GLIS3: variants seen among roughly 807,000 people sequenced by gnomAD.
GLIS3 encodes the protein zinc finger protein GLIS3.
In GLIS3, 53 loss-of-function variants were observed where a neutral mutation model predicts 78.6. The ratio of observed to expected loss-of-function variants is 0.67; its 90% CI spans 0.54 to 0.85. The LOEUF (loss-of-function observed/expected upper bound fraction) is 0.85. Among genes scored for constraint, GLIS3 ranks in the 40% least tolerant of loss-of-function variants. GLIS3 has a pLI of 0.00. For missense variants in GLIS3, 1,703 were observed against 1,231.1 expected (o/e 1.38, Z -5.74); for synonymous variants, 684 against 509.9 (o/e 1.34, Z -4.60).
At chr9:3,907,464 GTGGCAGAAACTAC>G (rs750719664) in intron 6 of GLIS3, among the ~76,000 whole-genome samples, 24 of 152,240 alleles carry the variant, frequency 1.6e-4, no homozygotes, top group Non-Finnish European at 2.9e-4. Flanking sequence ...TGATATAAAT[GTGGCAGAAACTAC>G]TGATGCCCCA....
chr9:3,885,811 A>G (rs1453085658), intron 7 of GLIS3, among the ~76,000 whole-genome samples: 1 of 152,200 alleles, frequency 6.6e-6, no homozygotes, highest in East Asian at 1.9e-4. Flanking sequence ...CGGGCACTTT[A>G]TAGAGACATT....
the GLIS3 span, among the ~76,000 whole-genome samples, chr9:4,360,710 T>A: frequency 6.6e-6 from 1 of 152,180 alleles, no homozygotes; most frequent in Non-Finnish European, 1.5e-5. Flanking sequence ...TTCCAAAGCT[T>A]ATGTTCTTAA....
chr9:4,205,334 C>G (rs1300276917), intron 2 of GLIS3, among the ~76,000 whole-genome samples: 1 of 152,206 alleles, frequency 6.6e-6, no homozygotes, highest in Non-Finnish European at 1.5e-5. Flanking sequence ...AGCTCCAAGG[C>G]TAAGCCATGA....
chr9:4,337,525 A>T (rs1032494354), intron 2 of GLIS3, among the ~76,000 whole-genome samples: 2 of 152,216 alleles, frequency 1.3e-5, no homozygotes, highest in African/African-American at 4.8e-5. Context: ...TGTACTCTAC[A>T]ATGATGTATA....
intron 2 of GLIS3, among the ~76,000 whole-genome samples, chr9:4,229,794 T>C (rs1822097412): frequency 6.6e-6 from 1 of 152,258 alleles, no homozygotes. Flanking sequence ...TATACTTGAA[T>C]ACACATCACA....
intron 4 of GLIS3, among the ~76,000 whole-genome samples, chr9:3,976,843 A>AAAAAAAAAAAG (rs1818842174): frequency 8.9e-6 from 1 of 112,374 alleles, no homozygotes; most frequent in Non-Finnish European, 1.8e-5. Flanking sequence ...AAAAAAAAAA[A>AAAAAAAAAAAG]TCCACAATCG....
the GLIS3 span, among the ~76,000 whole-genome samples, chr9:4,480,156 A>G: frequency 6.9e-6 from 1 of 145,108 alleles, no homozygotes; most frequent in Non-Finnish European, 1.5e-5. Flanking sequence ...TCTTTCTTAC[A>G]CTACAGAAGA....
chr9:3,839,182 T>C (rs1292216455), intron 9 of GLIS3, among the ~76,000 whole-genome samples: 2 of 152,218 alleles, frequency 1.3e-5, no homozygotes, highest in Non-Finnish European at 2.9e-5. Context: ...GAGGAAATGT[T>C]GAGTGCCTTG....
intron 4 of GLIS3, among the ~76,000 whole-genome samples, chr9:4,050,021 C>T (rs554250420): frequency 6.6e-6 from 1 of 152,014 alleles, no homozygotes; most frequent in African/African-American, 2.4e-5. Context: ...TAGTTCAACC[C>T]ATGTGGAAGA....
chr9:4,194,869 C>G (rs1320768304), intron 2 of GLIS3, among the ~76,000 whole-genome samples: 1 of 152,216 alleles, frequency 6.6e-6, no homozygotes, highest in African/African-American at 2.4e-5. Flanking sequence ...CTGCGAAAAG[C>G]TGCATATGTT....
At chr9:4,028,531 T>C (rs190795714) in intron 4 of GLIS3, among the ~76,000 whole-genome samples, 1 of 152,278 alleles carries the variant, frequency 6.6e-6, no homozygotes, top group Admixed American at 6.5e-5. Context: ...GAAAAGAGTA[T>C]AAATCATAAA....
intron 4 of GLIS3, among the ~76,000 whole-genome samples, chr9:4,109,545 A>G (rs1472837241): frequency 6.6e-6 from 1 of 152,238 alleles, no homozygotes; most frequent in Non-Finnish European, 1.5e-5. Context: ...ATTAAACTAT[A>G]AACTTTAAGA....
chr9:3,923,911 G>C (rs1825057098), intron 6 of GLIS3, among the ~76,000 whole-genome samples: 1 of 152,210 alleles, frequency 6.6e-6, no homozygotes, highest in South Asian at 2.1e-4. Context: ...GCCAAGGCAG[G>C]TGGATCACTT....
At chr9:4,467,939 C>T in the GLIS3 span, among the ~76,000 whole-genome samples, 4 of 152,068 alleles carry the variant, frequency 2.6e-5, no homozygotes, top group East Asian at 7.7e-4. Context: ...TAGAGAAGAC[C>T]TTAAATGACC....
At chr9:4,441,867 A>G in the GLIS3 span, among the ~76,000 whole-genome samples, 1 of 152,176 alleles carries the variant, frequency 6.6e-6, no homozygotes, top group Non-Finnish European at 1.5e-5. Context: ...GGCCTCCCCA[A>G]GTGCTGGCAT....
At chr9:4,239,054 A>G (rs988001209) in intron 2 of GLIS3, among the ~76,000 whole-genome samples, 4 of 151,388 alleles carry the variant, frequency 2.6e-5, no homozygotes, top group Non-Finnish European at 5.9e-5. Flanking sequence ...TCCATGGTGT[A>G]TATGTGCCAC....
chr9:3,832,460 C>T (rs987668367), intron 9 of GLIS3, among the ~76,000 whole-genome samples: 1 of 152,150 alleles, frequency 6.6e-6, no homozygotes, highest in Non-Finnish European at 1.5e-5. Context: ...CTGTATACCT[C>T]TTCTTGCTCA....
At chr9:3,969,340 G>A (rs542243521) in intron 4 of GLIS3, among the ~76,000 whole-genome samples, 2 of 152,056 alleles carry the variant, frequency 1.3e-5, no homozygotes, top group South Asian at 2.1e-4. Context: ...GTTCAAAAGC[G>A]AGCAAACCTT....
upstream of GLIS3, among the ~76,000 whole-genome samples, chr9:4,350,191 C>G (rs2130599157): frequency 6.6e-6 from 1 of 152,274 alleles, no homozygotes; most frequent in South Asian, 2.1e-4. Context: ...ATGGGAGACT[C>G]CCTTCCTCCA....
Sources: allele counts gnomAD v4.1 joint callset (sites outside exome capture counted in the v4.1 genomes callset), GRCh38; gene constraint gnomAD v4.1.1; transcripts MANE v1.5; gene names NCBI Gene and HGNC (gene_info 2026-07-23, HGNC 2026-07-21).